The following FBH1 variants were observed in gnomAD, a reference collection of about 807,000 sequenced individuals.
FBH1 encodes DNA 3'-5' helicase 1.
In FBH1, 43 loss-of-function variants were observed where a neutral mutation model predicts 115.5. The ratio of observed to expected loss-of-function variants is 0.37; its 90% confidence interval spans 0.29 to 0.48. FBH1 has a LOEUF of 0.48. Ranked by LOEUF, FBH1 falls within the 20% of genes least tolerant of loss-of-function variation. The pLI, the probability that FBH1 is intolerant of heterozygous loss-of-function variation, is 0.99. For synonymous variants in FBH1, 524 were observed against 507.8 expected (o/e 1.03, Z -0.43); for missense variants, 1,001 against 1,337.3 (o/e 0.75, Z 3.92).
chr10:5,892,007 C>G (rs1024532265), intron 1 of FBH1, among the ~76,000 whole-genome samples: 4 of 152,238 alleles, frequency 2.6e-5, no homozygotes, highest in Non-Finnish European at 5.9e-5. Flanking sequence ...CTTCTTTGCT[C>G]TGTATCCCCC....
Position 5,895,280 on chromosome 10 carries a change from T to C in FBH1, c.1+4934T>C. 3.6e-6 allele frequency: 5 copies of C among 1,407,698 alleles called. No homozygotes were observed. Among genetic ancestry groups the C allele is most frequent in the Non-Finnish European group, 4.8e-6 (5 of 1,044,188 alleles). The allele number at this position is 1,407,698 out of a possible 1,614,324, so 87.2% of individuals were successfully genotyped here. A position where few individuals can be genotyped will look rare whatever the true frequency, so the allele number is the denominator to read the frequency against. On this transcript the variant is annotated intron_variant, in intron 1 of 20. Transcript: ENST00000362091. The surrounding 1 kb of genome is among the most constrained non-coding windows in gnomAD (Gnocchi z 5.0). ...TGCCCTCTGTGGATCTTTGTTAAAGTTGGGTATGGTATTGTAGCAGTTTCT... is the reference window on the plus strand; with the variant it reads ...TGCCCTCTGTGGATCTTTGTTAAAGCTGGGTATGGTATTGTAGCAGTTTCT...
At chr10:5,902,780 A>G (rs1843431084) in intron 1 of FBH1, among the ~76,000 whole-genome samples, 1 of 152,034 alleles carries the variant, frequency 6.6e-6, no homozygotes, top group Non-Finnish European at 1.5e-5. Context: ...AGAAAGTATA[A>G]GTAGAAAAAA....
At position 5,914,142 on chromosome 10, in the gene FBH1, T is replaced by C; in HGVS notation, c.1305-36T>C. The C allele has an allele frequency of 6.3e-7, 1 of 1,599,144 alleles. No individual in the cohort carries two copies. The highest frequency in any genetic ancestry group is 8.6e-7 in the Non-Finnish European group (1 of 1,166,526). ...CTATCCCCTGGACTTTTCACGTCTT[T>C]CTGTTTTTCTTACTTCTCTTTTGTA... On this transcript the variant is annotated intron_variant, in intron 7 of 20. Transcript: ENST00000362091. The surrounding 1 kb of genome is among the most constrained non-coding windows in gnomAD (Gnocchi z 5.2).
Position 5,915,338 on chromosome 10 carries a change from T to C in FBH1, c.1397-65T>C, listed in dbSNP as rs11813102. On this transcript the variant is annotated intron_variant, in intron 8 of 20. Coordinates refer to ENST00000362091, the MANE Select transcript of FBH1 (RefSeq NM_178150.3). This position sits in a 1 kb window ranked among gnomAD's most constrained non-coding sequence, Gnocchi z 5.2. ...TGTGATAAGCCTGGACAAGGCCTGA[T>C]TGGGGATCCCTGGGCATGTCTTGTC... The C allele has an allele frequency of 0.057, 88,560 of 1,553,684 alleles. 4,654 individuals carry two copies. Among genetic ancestry groups the C allele is most frequent in the African/African-American group, 0.23 (17,280 of 73,680 alleles).
chr10:5,901,011 C>G (rs1202377415), intron 1 of FBH1, among the ~76,000 whole-genome samples: 1 of 152,066 alleles, frequency 6.6e-6, no homozygotes, highest in African/African-American at 2.4e-5. Context: ...GCAAGAAAAT[C>G]ACTTGAACCC....
chr10:5,908,890 C>T (rs376059819), intron 3 of FBH1, 35 bp from the exon 4 acceptor site: 1 of 1,611,078 alleles, frequency 6.2e-7, no homozygotes, highest in Non-Finnish European at 8.5e-7. Context: ...TGGCCCTTTG[C>T]CTCATGTTAT....
rs1445878737 is a variant in FBH1 at position 5,931,732 on chromosome 10, T to C, written c.2829+4191T>C. On this transcript the variant is annotated intron_variant, in intron 19 of 20. Transcript: ENST00000362091. The surrounding 1 kb of genome is among the most constrained non-coding windows in gnomAD (Gnocchi z 4.3). ...GTCCTTTTTGCTTTTGTGGTTTTATTACCAACTTAATTTGCAGTTAGACAT... is the reference window on the plus strand; with the variant it reads ...GTCCTTTTTGCTTTTGTGGTTTTATCACCAACTTAATTTGCAGTTAGACAT... Among the ~76,000 whole-genome samples the C allele has an allele frequency of 6.6e-6, 1 of 152,250 alleles. No individual in the cohort carries two copies. The highest frequency in any genetic ancestry group is 1.9e-4 in the East Asian group (1 of 5,206).
intron 19 of FBH1, chr10:5,934,433 G>A (rs563090641): frequency 6.7e-6 from 1 of 149,568 alleles, no homozygotes; most frequent in Admixed American, 6.7e-5. Flanking sequence ...GAGTGCAGTG[G>A]TGCCATCTTG....
chr10:5,909,413 T>G lies in FBH1; in HGVS notation c.1020+119T>G. 1.5e-5 allele frequency: 18 copies of G among 1,172,638 alleles called. No homozygotes were observed. The highest frequency in any genetic ancestry group is 2.1e-5 in the Non-Finnish European group (18 of 858,064). 72.6% of individuals were successfully genotyped at this position (1,172,638 alleles called of 1,614,324 possible). On this transcript the variant is annotated intron_variant, in intron 5 of 20. Transcript: ENST00000362091. The surrounding 1 kb of genome is among the most constrained non-coding windows in gnomAD (Gnocchi z 4.4). ...ATTTTTAATGTCTGTATTTAATCTC[T>G]GAATGCTTTGAAGCATTCATGTTGT...
At chr10:5,903,658 T>C (rs1471630209) in intron 2 of FBH1, among the ~76,000 whole-genome samples, 29 of 152,038 alleles carry the variant, frequency 1.9e-4, no homozygotes, top group Non-Finnish European at 4.0e-4. Context: ...TATCCTATTA[T>C]CATAGTTTGT....
chr10:5,929,121 G>T lies in FBH1; in HGVS notation c.2829+1580G>T, dbSNP rs1280724989. Among the ~76,000 whole-genome samples the T allele has an allele frequency of 2.6e-5, 4 of 152,218 alleles. No individual in the cohort carries two copies. In the East Asian group the frequency reaches 5.8e-4, roughly 22 times the overall value. On this transcript the variant is annotated intron_variant, in intron 19 of 20. Transcript: ENST00000362091. ...TTATTGAGGGCCTAACACTTGCCAA[G>T]CACCTTTCTGGGTACTGGGGCATAA...
At chr10:5,937,087 C>G (rs760493982) in intron 20 of FBH1, 23 bp from the exon 21 acceptor site, 3 of 1,569,602 alleles carry the variant, frequency 1.9e-6, no homozygotes, top group Non-Finnish European at 2.6e-6. Context: ...CCCCTTAGCT[C>G]TCTCTCTTGT....
Position 5,917,422 on chromosome 10 carries a change from T to C in FBH1, c.1791T>C (p.Asn597=), listed in dbSNP as rs746684539. The change falls in exon 11 of 21, where the codon AAT becomes AAC. Residue 597 remains asparagine (N), a splice_region_variant and synonymous_variant. Transcript: ENST00000362091. This position sits in a 1 kb window ranked among gnomAD's most constrained non-coding sequence, Gnocchi z 5.6. ...TTACCATATGCTTTACTTCCTAGAA[T>C]GGTGTCCTTGAAGCGAGCCGCCTCT... is the stretch of plus-strand genomic sequence containing the variant. The part of the protein sequence containing the change: ...RVMVEQSEKL[N]GVLEASRLWD... 1 of 1,613,994 alleles carries C rather than the reference T, an allele frequency of 6.2e-7. No homozygotes were observed. The highest frequency in any genetic ancestry group is 2.2e-5 in the East Asian group (1 of 44,882).
At chr10:5,903,559 C>T (rs1036738586) in intron 2 of FBH1, among the ~76,000 whole-genome samples, 3 of 151,932 alleles carry the variant, frequency 2.0e-5, no homozygotes, top group Admixed American at 6.6e-5. Flanking sequence ...GAACTCCTGA[C>T]GTCAGGTGAT....
At position 5,924,441 on chromosome 10, in the gene FBH1, T is replaced by C. The variant is rs1277976550; in HGVS notation, c.2529T>C (p.Tyr843=). ...LEAKIAVVEK[Y]NIRIPELVQR... ...CCAAGATCGCAGTTGTTGAAAAGTA[T>C]AACATCAGGATTCCAGAGCTGGTGC... The change falls in exon 17 of 21, where the codon TAT becomes TAC. Residue 843 remains tyrosine (Y), a synonymous_variant. Coordinates refer to ENST00000362091, the MANE Select transcript of FBH1 (RefSeq NM_178150.3). The surrounding 1 kb of genome is among the most constrained non-coding windows in gnomAD (Gnocchi z 6.2). 5.6e-6 allele frequency: 9 copies of C among 1,614,090 alleles called. No individual in the cohort carries two copies. Among genetic ancestry groups the C allele is most frequent in the Non-Finnish European group, 7.6e-6 (9 of 1,180,034 alleles).
At chr10:5,891,678 C>T (rs189883371) in intron 1 of FBH1, among the ~76,000 whole-genome samples, 7 of 152,340 alleles carry the variant, frequency 4.6e-5, no homozygotes, top group Admixed American at 3.9e-4. Context: ...GGCACGATCT[C>T]GGCTCACTGC....
intron 19 of FBH1, among the ~76,000 whole-genome samples, chr10:5,929,214 G>A (rs996220828): frequency 3.3e-5 from 5 of 152,212 alleles, no homozygotes; most frequent in Non-Finnish European, 7.3e-5. Flanking sequence ...GAAAGTGAAC[G>A]AATAGGATTT....
intron 2 of FBH1, among the ~76,000 whole-genome samples, chr10:5,904,696 A>G (rs1843589744): frequency 6.6e-6 from 1 of 152,170 alleles, no homozygotes; most frequent in Non-Finnish European, 1.5e-5. Flanking sequence ...CCCCGTCTCT[A>G]TTTTAAAATA....
intron 1 of FBH1, among the ~76,000 whole-genome samples, chr10:5,896,478 G>A (rs1453062307): frequency 1.3e-5 from 2 of 152,146 alleles, no homozygotes; most frequent in Admixed American, 6.5e-5. Context: ...AGAAAAGGCA[G>A]TGTGGGAATG....
Sources: gnomAD v4.1 joint callset for allele counts (sites outside exome capture counted in the v4.1 genomes callset) on GRCh38, gnomAD v4.1.1 for gene constraint, Gnocchi (gnomAD v3.1) non-coding constraint, MANE v1.5 for transcripts, NCBI Gene and HGNC (gene_info 2026-07-23, HGNC 2026-07-21) for gene names.